The following ZNF654 variants were observed in gnomAD, a reference collection of about 807,000 sequenced individuals.
The protein encoded by ZNF654 is zinc finger protein 654, also known as melanoma-associated antigen.
A neutral mutation model predicts 95.3 loss-of-function variants in ZNF654; 19 were observed. The ratio of observed to expected loss-of-function variants is 0.20; its 90% CI spans 0.14 to 0.29. The LOEUF (loss-of-function observed/expected upper bound fraction) is 0.29, where lower values mean the gene tolerates loss of function less well. ZNF654 is among the 10% of genes least tolerant of loss of function. ZNF654 has a pLI of 1.00. For missense variants in ZNF654, 1,046 were observed against 1,341.0 expected, an observed-to-expected ratio of 0.78 and a Z score of 3.44; for synonymous variants, 413 against 457.9, an observed-to-expected ratio of 0.90 and a Z score of 1.25.
chr3:88,086,685 T>A (rs1327064855), intron 2 of ZNF654, among the ~76,000 whole-genome samples: 2 of 152,210 alleles, frequency 1.3e-5, no homozygotes, highest in African/African-American at 2.4e-5. Flanking sequence ...GAAGCTCTAA[T>A]GGTAAGTCCC....
intron 2 of ZNF654, among the ~76,000 whole-genome samples, chr3:88,111,810 T>C (rs1705105037): frequency 6.6e-6 from 1 of 151,986 alleles, no homozygotes; most frequent in Non-Finnish European, 1.5e-5. Context: ...CCTGTTTCTA[T>C]ACACCAAAGC....
chr3:88,096,715 A>G (rs1704083473), intron 2 of ZNF654, among the ~76,000 whole-genome samples: 1 of 152,038 alleles, frequency 6.6e-6, no homozygotes, highest in African/African-American at 2.4e-5. Flanking sequence ...TATCACTTTT[A>G]ATTTTTGAGT....
At chr3:88,073,942 A>G (rs1291935366) in intron 1 of ZNF654, among the ~76,000 whole-genome samples, 1 of 152,128 alleles carries the variant, frequency 6.6e-6, no homozygotes, top group African/African-American at 2.4e-5. Flanking sequence ...ACGGCTTTTT[A>G]AGAGAGGCAG....
Position 88,064,327 on chromosome 3 carries a change from T to C in ZNF654, c.186+4822T>C, listed in dbSNP as rs191535445. ...AGGGACTATCTTACTGTCTCACTAT[T>C]GATCTCACTATTGAGCATGTTCACT... On this transcript the variant is annotated intron_variant, in intron 1 of 8. Transcript: ENST00000636215. 2.8e-3 allele frequency among the ~76,000 whole-genome samples: 429 copies of C among 151,650 alleles called. 8 individuals are homozygous for C. The highest frequency in any genetic ancestry group is 0.026 in the Admixed American group (390 of 15,216).
chr3:88,066,852 A>G (rs1707230931), intron 1 of ZNF654, among the ~76,000 whole-genome samples: 1 of 152,244 alleles, frequency 6.6e-6, no homozygotes, highest in Non-Finnish European at 1.5e-5. Context: ...CTGGTAAGAT[A>G]TGTGAAGAAA....
chr3:88,109,857 C>G (rs1179342937), intron 2 of ZNF654, among the ~76,000 whole-genome samples: 7 of 151,822 alleles, frequency 4.6e-5, no homozygotes, highest in Non-Finnish European at 1.0e-4. Context: ...TAAACATGTT[C>G]AACAGGAAAA....
chr3:88,085,851 C>G (rs1708309915), intron 1 of ZNF654, among the ~76,000 whole-genome samples: 1 of 152,108 alleles, frequency 6.6e-6, no homozygotes, highest in African/African-American at 2.4e-5. Context: ...TGCCAGAATG[C>G]TTAGAGTCTT....
intron 4 of ZNF654, among the ~76,000 whole-genome samples, chr3:88,128,000 T>A (rs1706221567): frequency 6.6e-6 from 1 of 152,216 alleles, no homozygotes; most frequent in South Asian, 2.1e-4. Flanking sequence ...TGATTAAATA[T>A]AAGTAATTAA....
intron 1 of ZNF654, among the ~76,000 whole-genome samples, chr3:88,060,084 T>A (rs758216464): frequency 6.6e-6 from 1 of 152,116 alleles, no homozygotes; most frequent in Non-Finnish European, 1.5e-5. Flanking sequence ...GTTACTTTTT[T>A]CGGACAGAGA....
chr3:88,103,777 T>C (rs1276570036), intron 2 of ZNF654, among the ~76,000 whole-genome samples: 1 of 148,336 alleles, frequency 6.7e-6, no homozygotes, highest in African/African-American at 2.5e-5. Flanking sequence ...TTTTTTTTTT[T>C]TTTTTTTGAG....
chr3:88,089,229 C>T lies in ZNF654; in HGVS notation c.332+2827C>T, dbSNP rs1321682128. On this transcript the variant is annotated intron_variant, in intron 2 of 8. Coordinates refer to ENST00000636215, the MANE Select transcript of ZNF654 (RefSeq NM_001350134.2). ...AAAAAAGCCCGGGTGCGGTGGCTCACGCCTGTAATCCCAGCACTTTGGGAG... is the reference window on the plus strand; with the variant it reads ...AAAAAAGCCCGGGTGCGGTGGCTCATGCCTGTAATCCCAGCACTTTGGGAG... 6.7e-5 allele frequency among the ~76,000 whole-genome samples: 10 copies of T among 148,422 alleles called. 1 individual carries two copies. The highest frequency in any genetic ancestry group is 4.3e-4 in the South Asian group (2 of 4,684).
chr3:88,085,438 C>T (rs1220745136), intron 1 of ZNF654, among the ~76,000 whole-genome samples: 1 of 151,910 alleles, frequency 6.6e-6, no homozygotes, highest in Non-Finnish European at 1.5e-5. Flanking sequence ...TTTTTTCCAA[C>T]CACTTAAAAA....
chr3:88,118,471 G>A (rs1705552112), intron 3 of ZNF654, among the ~76,000 whole-genome samples: 1 of 151,648 alleles, frequency 6.6e-6, no homozygotes, highest in Non-Finnish European at 1.5e-5. Context: ...CCTAAGAAAT[G>A]AGTGTATAGT....
chr3:88,099,518 A>C (rs982806142), intron 2 of ZNF654, among the ~76,000 whole-genome samples: 2 of 151,530 alleles, frequency 1.3e-5, no homozygotes, highest in Admixed American at 1.3e-4. Flanking sequence ...CGCATTGCCA[A>C]GACAATCCTA....
intron 1 of ZNF654, among the ~76,000 whole-genome samples, chr3:88,079,676 G>T (rs1017859213): frequency 3.9e-4 from 59 of 151,972 alleles, no homozygotes; most frequent in Non-Finnish European, 7.8e-4. Context: ...TAATCTTCAA[G>T]ATTCCTTTTA....
At position 88,139,784 on chromosome 3, in the gene ZNF654, TGAA is replaced by T; in HGVS notation, c.2120_2122del (p.Glu707del). On this transcript the variant is annotated inframe_deletion, in exon 8 of 9. Transcript: ENST00000636215. ...GGGATGATTATGAGGAGGAAGAGGA[TGAA>T]GAAGGTGATTATGAAGAAGATGATT... 6.4e-7 allele frequency: 1 copy of T among 1,554,772 alleles called. No individual in the cohort carries two copies. Among genetic ancestry groups the T allele is most frequent in the East Asian group, 2.4e-5 (1 of 41,162 alleles).
intron 6 of ZNF654, among the ~76,000 whole-genome samples, chr3:88,131,096 C>A (rs1375943586): frequency 6.6e-6 from 1 of 152,160 alleles, no homozygotes; most frequent in East Asian, 1.9e-4. Flanking sequence ...TCCTACTGCA[C>A]ATCTGGGCTA....
At chr3:88,094,796 T>G (rs1394624093) in intron 2 of ZNF654, among the ~76,000 whole-genome samples, 1 of 152,140 alleles carries the variant, frequency 6.6e-6, no homozygotes, top group Non-Finnish European at 1.5e-5. Flanking sequence ...TTTTTTTTCT[T>G]TTTAACTTCC....
chr3:88,086,598 A>G (rs936655692), intron 2 of ZNF654, among the ~76,000 whole-genome samples, 196 bp downstream of exon 2: 4 of 152,168 alleles, frequency 2.6e-5, no homozygotes, highest in African/African-American at 9.7e-5. Context: ...TAATAGTTAA[A>G]TGGAATTTTG....
Sources: gnomAD v4.1 joint callset for allele counts (sites outside exome capture counted in the v4.1 genomes callset) on GRCh38, gnomAD v4.1.1 for gene constraint, MANE v1.5 for transcripts, NCBI Gene and HGNC (gene_info 2026-07-23, HGNC 2026-07-21) for gene names.